The following ABCA8 variants were observed in gnomAD, a reference collection of about 807,000 sequenced individuals.
ABCA8 encodes ABC-type organic anion transporter ABCA8.
Under a neutral mutation model 192.3 loss-of-function variants are expected in ABCA8, and 177 were observed. The ratio of observed to expected loss-of-function variants is 0.92; its 90% CI spans 0.81 to 1.04. The LOEUF (loss-of-function observed/expected upper bound fraction) is 1.04. Among genes scored for constraint, ABCA8 ranks in the 50% least tolerant of loss-of-function variants. The pLI is 0.00. For missense variants in ABCA8, 1,915 were observed against 1,904.8 expected (o/e 1.01, Z -0.10); for synonymous variants, 642 against 690.2 (o/e 0.93, Z 1.09).
At chr17:68,933,089 T>C in intron 6 of ABCA8, 79 bp downstream of exon 6, 1 of 986,578 alleles carries the variant, frequency 1.0e-6, no homozygotes, top group Non-Finnish European at 1.6e-6. Context: ...ACTTATATTT[T>C]CTTCCATGAA....
intron 17 of ABCA8, among the ~76,000 whole-genome samples, chr17:68,908,670 GAAAA>G (rs2067155659): frequency 1.3e-5 from 2 of 152,214 alleles, no homozygotes; most frequent in East Asian, 3.9e-4. Flanking sequence ...TCTATCCATT[GAAAA>G]ATACCACAGC....
chr17:68,893,296 C>G (rs2066659779), intron 23 of ABCA8, among the ~76,000 whole-genome samples: 1 of 152,160 alleles, frequency 6.6e-6, no homozygotes, highest in South Asian at 2.1e-4. Flanking sequence ...AAAAAGGAAT[C>G]ATTACAAACT....
intron 21 of ABCA8, among the ~76,000 whole-genome samples, chr17:68,901,370 G>A (rs964032839): frequency 6.6e-6 from 1 of 152,092 alleles, no homozygotes; most frequent in Non-Finnish European, 1.5e-5. Context: ...GTTATCACAC[G>A]AAAAGATGCT....
rs143754628 is a variant in ABCA8, at chr17:68,948,906, G to A, written c.-6+406C>T. ...CATTTAAGTCTTTAAAACATTTTGAGTTAATTTTTGTATAAGGTGTAAGGA... is the reference window on the plus strand; with the variant it reads ...CATTTAAGTCTTTAAAACATTTTGAATTAATTTTTGTATAAGGTGTAAGGA... On this transcript the variant is annotated intron_variant, in intron 2 of 39. Coordinates refer to ENST00000586539, the MANE Select transcript of ABCA8 (RefSeq NM_001288985.2). Among the ~76,000 whole-genome samples, 480 of 152,176 alleles carry A rather than the reference G, an allele frequency of 3.2e-3. 3 individuals carry two copies. The highest frequency in any genetic ancestry group is 0.011 in the African/African-American group (466 of 41,518).
In ABCA8 at chr17:68,919,383, T is replaced by G; in HGVS notation, c.1706A>C (p.Gln569Pro). The G allele has an allele frequency of 6.2e-7, 1 of 1,614,092 alleles. No individual in the cohort carries two copies. The highest frequency in any genetic ancestry group is 8.5e-7 in the Non-Finnish European group (1 of 1,180,004). Residue 569 changes from glutamine (Q) to proline (P), a missense_variant, in exon 14 of 40, where the codon CAA becomes CCA. Transcript: ENST00000586539. ...LTGVCPQSNV[Q>P]FDFLTVRENL... is the part of the protein sequence containing the mutation. Reference sequence around the variant, plus strand: ...TTCTCTTACAGTGAGGAAGTCAAATTGCACATTGGATTGTGGACAAACTCC... The same window carrying G: ...TTCTCTTACAGTGAGGAAGTCAAATGGCACATTGGATTGTGGACAAACTCC...
intron 20 of ABCA8, 50 bp downstream of exon 20, chr17:68,903,251 T>G: frequency 6.3e-7 from 1 of 1,597,784 alleles, no homozygotes; most frequent in Non-Finnish European, 8.5e-7. Flanking sequence ...TAGATTTGCT[T>G]TTTAACGCAT....
At position 68,937,128 on chromosome 17, in the gene ABCA8, G is replaced by C. The variant is rs1013916156; in HGVS notation, c.302-13C>G. On this transcript the variant is annotated splice_polypyrimidine_tract_variant and intron_variant, in intron 4 of 39. Coordinates refer to ENST00000586539, the MANE Select transcript of ABCA8 (RefSeq NM_001288985.2). ...AAGACCTCTTTACCTTTTGTTACAA[G>C]AAGGAATATTATTGTTAGTAAATTA... 1 of 1,578,268 alleles carries C rather than the reference G, an allele frequency of 6.3e-7. No homozygotes were observed. The highest frequency in any genetic ancestry group is 1.2e-5 in the South Asian group (1 of 84,518).
chr17:68,954,856 C>T lies in ABCA8; in HGVS notation c.-167+363G>A, dbSNP rs547676743. Among the ~76,000 whole-genome samples, 91 of 152,246 alleles carry T rather than the reference C, an allele frequency of 6.0e-4. 3 individuals carry two copies. In the South Asian group the frequency reaches 0.017, roughly 28 times the overall value. Reference sequence around the variant, plus strand: ...GTGCAATCAAAGTAGATAACTTTAACTTCAAAAACAACTCAGTCTTCCAAC... The same window carrying T: ...GTGCAATCAAAGTAGATAACTTTAATTTCAAAAACAACTCAGTCTTCCAAC... On this transcript the variant is annotated intron_variant, in intron 1 of 39. Coordinates refer to ENST00000586539, the MANE Select transcript of ABCA8 (RefSeq NM_001288985.2).
At chr17:68,915,118 G>A (rs535466618) in intron 17 of ABCA8, among the ~76,000 whole-genome samples, 1 of 152,168 alleles carries the variant, frequency 6.6e-6, no homozygotes, top group East Asian at 1.9e-4. Flanking sequence ...ATCTGTCACT[G>A]TTTACAAATA....
rs1349797941 is a variant in ABCA8, at chr17:68,918,562, T to C, written c.1789-16A>G. 10 of 1,469,670 alleles carry C rather than the reference T, an allele frequency of 6.8e-6. No individual in the cohort carries two copies. Among genetic ancestry groups the C allele is most frequent in the Non-Finnish European group, 8.9e-6 (10 of 1,120,938 alleles). 91.0% of individuals were successfully genotyped at this position (1,469,670 alleles called of 1,614,324 possible). ...CCCTTTGTATCTAACCAAAAGACAG[T>C]ATTTATGTCATACACCAAAATTTAT... On this transcript the variant is annotated splice_polypyrimidine_tract_variant and intron_variant, in intron 14 of 39. Coordinates refer to ENST00000586539, the MANE Select transcript of ABCA8 (RefSeq NM_001288985.2).
intron 35 of ABCA8, 100 bp downstream of exon 35, chr17:68,876,360 C>T: frequency 2.8e-6 from 4 of 1,417,784 alleles, no homozygotes; most frequent in South Asian, 2.5e-5. Context: ...TTTTTGTTCT[C>T]CACAAAAGAG....
rs541148050 is a variant in ABCA8, at chr17:68,902,565, G to T, written c.2764+148C>A. On this transcript the variant is annotated intron_variant, in intron 21 of 39. Coordinates refer to ENST00000586539, the MANE Select transcript of ABCA8 (RefSeq NM_001288985.2). ...CTTTACCTATTCCTGCTTCTTTGGGGGCCTGTATTTATTATCTTTAAGTTT... is the reference window on the plus strand; with the variant it reads ...CTTTACCTATTCCTGCTTCTTTGGGTGCCTGTATTTATTATCTTTAAGTTT... The T allele has an allele frequency of 2.9e-3, 1,654 of 569,418 alleles. 8 individuals are homozygous for T. The highest frequency in any genetic ancestry group is 4.4e-3 in the South Asian group (95 of 21,396). The allele number at this position is 569,418 out of a possible 1,614,324, so 35.3% of individuals were successfully genotyped here.
intron 17 of ABCA8, among the ~76,000 whole-genome samples, chr17:68,915,311 A>G (rs115359776): frequency 0.021 from 3,239 of 152,248 alleles, 132 homozygotes; most frequent in African/African-American, 0.073. Context: ...CTTCTGCACA[A>G]CAAAGCAAAC....
In ABCA8 at chr17:68,894,291, G is replaced by A; in HGVS notation, c.2918C>T (p.Ala973Val). The A allele has an allele frequency of 6.2e-7, 1 of 1,609,286 alleles. No homozygotes were observed. ...CNEKNYSFSL[A>V]CNAKRLNCFP... ...GCAATTCAATCTTTTGGCATTGCAT[G>A]CTAACGAAAAGCTGTAATTCTAAAA... Residue 973 changes from alanine to valine, a missense_variant, in exon 23 of 40, where the codon GCA becomes GTA. Coordinates refer to ENST00000586539, the MANE Select transcript of ABCA8 (RefSeq NM_001288985.2).
intron 23 of ABCA8, among the ~76,000 whole-genome samples, chr17:68,892,820 G>A (rs150459906): frequency 1.3e-5 from 2 of 152,140 alleles, no homozygotes; most frequent in African/African-American, 4.8e-5. Context: ...GGTGTGAGAA[G>A]GAAACTGAAG....
chr17:68,935,293 T>TGTG (rs1491187643), intron 5 of ABCA8, among the ~76,000 whole-genome samples: 1 of 149,360 alleles, frequency 6.7e-6, no homozygotes, highest in African/African-American at 2.5e-5. Context: ...TGTGTGTGTG[T>TGTG]TTCAGTAGAG....
At chr17:68,924,175 C>T (rs373961269) in intron 11 of ABCA8, among the ~76,000 whole-genome samples, 7 of 152,136 alleles carry the variant, frequency 4.6e-5, no homozygotes, top group East Asian at 3.9e-4. Context: ...GGAGAAACCC[C>T]GTCTCTATTC....
intron 19 of ABCA8, among the ~76,000 whole-genome samples, chr17:68,904,274 T>G (rs1042262670): frequency 9.5e-5 from 12 of 126,310 alleles, no homozygotes; most frequent in African/African-American, 4.0e-4. Context: ...AGAGCGAGAC[T>G]CCATCTCAAA....
chr17:68,910,722 T>C (rs2067210400), intron 17 of ABCA8, among the ~76,000 whole-genome samples: 1 of 152,164 alleles, frequency 6.6e-6, no homozygotes, highest in Non-Finnish European at 1.5e-5. Context: ...AATAGGATTT[T>C]GTTTTCCAAC....
Sources: gnomAD v4.1 joint callset for allele counts (sites outside exome capture counted in the v4.1 genomes callset) on GRCh38, gnomAD v4.1.1 for gene constraint, MANE v1.5 for transcripts, NCBI Gene and HGNC (gene_info 2026-07-23, HGNC 2026-07-21) for gene names.